Variants in PNKD observed in about 807,000 individuals in gnomAD.
PNKD encodes probable thioesterase PNKD.
In PNKD, 36 loss-of-function variants were observed where a neutral mutation model predicts 45.3. The ratio of observed to expected loss-of-function variants is 0.80; its 90% CI spans 0.61 to 1.05. The LOEUF (loss-of-function observed/expected upper bound fraction) is 1.05. Among genes scored for constraint, PNKD ranks in the 50% least tolerant of loss-of-function variants. The pLI is 0.00. For synonymous variants in PNKD, 197 were observed against 210.1 expected, an observed-to-expected ratio of 0.94 and a Z score of 0.54; for missense variants, 511 against 506.6, an observed-to-expected ratio of 1.01 and a Z score of -0.08.
chr2:218,281,698 AC>A (rs1265310802), intron 2 of PNKD, among the ~76,000 whole-genome samples: 2 of 152,156 alleles, frequency 1.3e-5, no homozygotes, highest in East Asian at 3.9e-4. Flanking sequence ...TGTGGTGTGT[AC>A]GTTCTGGGAC....
intron 2 of PNKD, among the ~76,000 whole-genome samples, chr2:218,324,634 T>C (rs77287776): frequency 0.025 from 3,773 of 152,236 alleles, 148 homozygotes; most frequent in African/African-American, 0.081. Flanking sequence ...ATTAAAATAA[T>C]GAGATTGAAA....
chr2:218,273,121 T>C (rs936499353), intron 2 of PNKD, among the ~76,000 whole-genome samples: 1 of 152,072 alleles, frequency 6.6e-6, no homozygotes, highest in African/African-American at 2.4e-5. Context: ...CCCTCAGAGC[T>C]GCCGGCCAGG....
chr2:218,275,069 C>T (rs1691061498), intron 2 of PNKD: 1 of 158,072 alleles, frequency 6.3e-6, no homozygotes, highest in African/African-American at 2.4e-5. Flanking sequence ...ACTACGTAGT[C>T]AAGAAGCCTG....
Position 218,340,229 on chromosome 2 carries a change from G to A in PNKD, c.465+88G>A, listed in dbSNP as rs1391669868. 7.4e-6 allele frequency: 6 copies of A among 812,216 alleles called. No homozygotes were observed. Among genetic ancestry groups the A allele is most frequent in the Non-Finnish European group, 1.3e-5 (6 of 467,134 alleles). 50.3% of individuals were successfully genotyped at this position (812,216 alleles called of 1,614,324 possible). ...TGCTAGAGAGGGCTGACCCTTGTCC[G>A]TCTGCCCGTGGGATGTGTCCCATAT... is the stretch of plus-strand genomic sequence containing the variant. On this transcript the variant is annotated intron_variant, in intron 4 of 9. Coordinates refer to ENST00000273077, the MANE Select transcript of PNKD (RefSeq NM_015488.5). This position sits in a 1 kb window ranked among gnomAD's most constrained non-coding sequence, Gnocchi z 4.2.
intron 2 of PNKD, chr2:218,275,764 T>C (rs2106186280): frequency 9.3e-7 from 1 of 1,074,216 alleles, no homozygotes; most frequent in East Asian, 2.5e-5. Context: ...ATGGGCTCTA[T>C]ACTGTAGCTG....
chr2:218,323,494 G>A, intron 2 of PNKD: 3 of 1,424,230 alleles, frequency 2.1e-6, no homozygotes, highest in Non-Finnish European at 2.8e-6. Context: ...GAGGGGACTG[G>A]GAGGCGGGGG....
intron 2 of PNKD, among the ~76,000 whole-genome samples, chr2:218,338,355 G>T (rs34213584): frequency 0.18 from 27,414 of 150,984 alleles, 2,571 homozygotes; most frequent in Middle Eastern, 0.33. Flanking sequence ...CAGCTACTCG[G>T]GAGGCTGAGG....
At chr2:218,271,014 T>A in intron 1 of PNKD, 1 of 453,350 alleles carries the variant, frequency 2.2e-6, no homozygotes, top group Non-Finnish European at 4.0e-6. Flanking sequence ...GAGTAGACTA[T>A]CTTTAAGGTC....
At chr2:218,336,896 T>G (rs546224039) in intron 2 of PNKD, among the ~76,000 whole-genome samples, 3 of 148,734 alleles carry the variant, frequency 2.0e-5, no homozygotes, top group African/African-American at 7.5e-5. Flanking sequence ...GCCTCCCAGG[T>G]TCAAGTGATT....
chr2:218,343,678 G>A lies in PNKD; in HGVS notation c.868+92G>A, dbSNP rs1390023452. The A allele has an allele frequency of 4.2e-6, 4 of 955,684 alleles. No homozygotes were observed. The East Asian group carries it at 1.0e-4, about 25-fold the overall frequency. 59.2% of individuals were successfully genotyped at this position (955,684 alleles called of 1,614,324 possible). On this transcript the variant is annotated intron_variant, in intron 8 of 9. Coordinates refer to ENST00000273077, the MANE Select transcript of PNKD (RefSeq NM_015488.5). ...ACCCCCTCACTCCCCTAGAAAGCAG[G>A]CCAGCCCAGTTCCTGGCCCAGAAGC...
chr2:218,282,096 G>A, intron 2 of PNKD: 1 of 1,563,232 alleles, frequency 6.4e-7, no homozygotes, highest in East Asian at 2.3e-5. Flanking sequence ...CCTGGGTACA[G>A]GGGGTTGCGG....
chr2:218,289,442 G>C (rs997090066), intron 2 of PNKD, among the ~76,000 whole-genome samples: 6 of 151,984 alleles, frequency 3.9e-5, no homozygotes, highest in Non-Finnish European at 7.4e-5. Context: ...AGGTGTTCGA[G>C]ACCAGCCTGG....
intron 2 of PNKD, chr2:218,279,342 G>A (rs200268097): frequency 1.3e-6 from 2 of 1,583,556 alleles, no homozygotes; most frequent in South Asian, 2.3e-5. Flanking sequence ...GCACGGAGAT[G>A]ATGGAGTAAA....
At chr2:218,321,955 GC>G (rs1693999242) in intron 2 of PNKD, among the ~76,000 whole-genome samples, 1 of 103,602 alleles carries the variant, frequency 9.7e-6, no homozygotes, top group South Asian at 2.8e-4. Context: ...TTTTTTTTGA[GC>G]CGGAGTCTTG....
intron 2 of PNKD, chr2:218,272,736 G>A: frequency 1.9e-6 from 3 of 1,614,194 alleles, no homozygotes; most frequent in Non-Finnish European, 2.5e-6. Flanking sequence ...CCCGTCCCCT[G>A]ATGTTGGGTC....
At chr2:218,274,610 C>T (rs1450708512) in intron 2 of PNKD, 1 of 155,496 alleles carries the variant, frequency 6.4e-6, no homozygotes, top group Non-Finnish European at 1.5e-5. Context: ...ACCCTGGCTA[C>T]TTCCTGGCCA....
intron 2 of PNKD, among the ~76,000 whole-genome samples, chr2:218,309,060 T>A (rs1461313006): frequency 6.6e-6 from 1 of 151,538 alleles, no homozygotes; most frequent in Non-Finnish European, 1.5e-5. Flanking sequence ...GGCAACATAG[T>A]GAGACCCTGT....
At chr2:218,283,645 C>T (rs1040708206) in intron 2 of PNKD, among the ~76,000 whole-genome samples, 3 of 152,186 alleles carry the variant, frequency 2.0e-5, no homozygotes, top group Admixed American at 1.3e-4. Flanking sequence ...GAGAGACCAG[C>T]GTCTCTTTTT....
chr2:218,270,847 G>T (rs1465184875), intron 1 of PNKD: 1 of 391,774 alleles, frequency 2.6e-6, no homozygotes, highest in African/African-American at 2.1e-5. Flanking sequence ...TTGGACTCCC[G>T]CGCTCCAGGT....
Sources: allele counts gnomAD v4.1 joint callset (sites outside exome capture counted in the v4.1 genomes callset), GRCh38; gene constraint gnomAD v4.1.1; non-coding constraint Gnocchi (gnomAD v3.1); transcripts MANE v1.5; gene names NCBI Gene and HGNC (gene_info 2026-07-23, HGNC 2026-07-21).